Variants in ERBB4 observed in about 807,000 individuals in gnomAD.
ERBB4 encodes the protein erb-b2 receptor tyrosine kinase 4, also known as receptor tyrosine-protein kinase erbB-4.
Under a neutral mutation model 158.0 loss-of-function variants are expected in ERBB4, and 42 were observed. The ratio of observed to expected loss-of-function variants is 0.27; its 90% CI spans 0.21 to 0.34. The LOEUF (loss-of-function observed/expected upper bound fraction) is 0.34, where lower values mean the gene tolerates loss of function less well. ERBB4 is among the 10% of genes least tolerant of loss of function. The pLI is 1.00. For synonymous variants in ERBB4, 583 were observed against 558.7 expected (o/e 1.04, Z -0.61); for missense variants, 1,333 against 1,624.1 (o/e 0.82, Z 3.08).
At chr2:212,119,028 T>A (rs74320008) in intron 2 of ERBB4, among the ~76,000 whole-genome samples, 2,426 of 152,126 alleles carry the variant, frequency 0.016, 35 homozygotes, top group Admixed American at 0.032. Context: ...ATAAAAGACA[T>A]GTATAATGAT....
intron 20 of ERBB4, among the ~76,000 whole-genome samples, chr2:211,520,933 A>T (rs2125637721): frequency 6.6e-6 from 1 of 152,250 alleles, no homozygotes; most frequent in East Asian, 1.9e-4. Flanking sequence ...AAGACAATGA[A>T]CTTAATGGAT....
intron 1 of ERBB4, among the ~76,000 whole-genome samples, chr2:212,529,639 T>TA (rs984543835): frequency 6.6e-6 from 1 of 152,110 alleles, no homozygotes; most frequent in Admixed American, 6.6e-5. Flanking sequence ...TTCATTCATG[T>TA]AAAAAAAATT....
chr2:211,816,593 A>G (rs1001557765), intron 3 of ERBB4, among the ~76,000 whole-genome samples: 6 of 151,902 alleles, frequency 3.9e-5, no homozygotes, highest in Admixed American at 2.6e-4. Flanking sequence ...TTCATGAATA[A>G]GCATTGATAA....
chr2:211,712,771 G>A (rs752636138), intron 8 of ERBB4, among the ~76,000 whole-genome samples: 29 of 80,970 alleles, frequency 3.6e-4, no homozygotes, highest in Admixed American at 1.9e-3. Flanking sequence ...CAATTTTTGT[G>A]TGTGGGTGGG....
At chr2:212,362,559 C>T (rs1224391379) in intron 1 of ERBB4, among the ~76,000 whole-genome samples, 3 of 150,440 alleles carry the variant, frequency 2.0e-5, no homozygotes, top group Non-Finnish European at 4.5e-5. Flanking sequence ...GCCAAATGTG[C>T]TTAGATGCTG....
At chr2:212,079,806 G>A (rs1439599519) in intron 2 of ERBB4, among the ~76,000 whole-genome samples, 1 of 151,984 alleles carries the variant, frequency 6.6e-6, no homozygotes. Context: ...ATGGTGTTCA[G>A]ATTTCCTGTT....
intron 2 of ERBB4, among the ~76,000 whole-genome samples, chr2:212,077,790 A>C (rs944387512): frequency 6.6e-6 from 1 of 152,092 alleles, no homozygotes; most frequent in African/African-American, 2.4e-5. Flanking sequence ...GTTATTTTTA[A>C]AAATGAAAAG....
At chr2:212,066,460 A>G (rs2077950634) in intron 2 of ERBB4, among the ~76,000 whole-genome samples, 1 of 152,180 alleles carries the variant, frequency 6.6e-6, no homozygotes, top group South Asian at 2.1e-4. Flanking sequence ...CTTATCCGAT[A>G]TGATGAATTC....
intron 1 of ERBB4, among the ~76,000 whole-genome samples, chr2:212,538,130 G>T (rs1234273152): frequency 6.6e-6 from 1 of 152,192 alleles, no homozygotes; most frequent in Non-Finnish European, 1.5e-5. Flanking sequence ...GGGGATTTGG[G>T]TCTCCCATGT....
intron 3 of ERBB4, among the ~76,000 whole-genome samples, chr2:211,846,138 A>G (rs2077583638): frequency 6.6e-6 from 1 of 151,730 alleles, no homozygotes; most frequent in African/African-American, 2.4e-5. Flanking sequence ...CCCTCTAGCA[A>G]TTCTAGTTTT....
chr2:211,591,415 T>C (rs1417978857), intron 19 of ERBB4, among the ~76,000 whole-genome samples: 1 of 152,226 alleles, frequency 6.6e-6, no homozygotes, highest in East Asian at 1.9e-4. Flanking sequence ...GACAGGCTTT[T>C]TGAAGCTAGA....
chr2:212,108,706 C>CA (rs1553560350), intron 2 of ERBB4, among the ~76,000 whole-genome samples: 2 of 97,066 alleles, frequency 2.1e-5, no homozygotes, highest in Admixed American at 1.2e-4. Context: ...AATGGGTCTG[C>CA]TTTTTTTTTT....
At chr2:211,708,840 C>T (rs80294246) in intron 9 of ERBB4, among the ~76,000 whole-genome samples, 3,084 of 152,124 alleles carry the variant, frequency 0.02, 91 homozygotes, top group African/African-American at 0.068. Flanking sequence ...TAGTGTTTGA[C>T]GTGAGAGAAA....
At chr2:211,941,192 C>G (rs1377073872) in intron 3 of ERBB4, among the ~76,000 whole-genome samples, 1 of 151,688 alleles carries the variant, frequency 6.6e-6, no homozygotes, top group African/African-American at 2.4e-5. Flanking sequence ...TTAAGCTTCA[C>G]TATAGATTAG....
chr2:212,186,193 C>A (rs1006560437), intron 1 of ERBB4, among the ~76,000 whole-genome samples: 4 of 152,082 alleles, frequency 2.6e-5, no homozygotes, highest in African/African-American at 9.7e-5. Flanking sequence ...GTCATTTAGT[C>A]CATTTCCACT....
At chr2:211,682,797 T>C (rs2072407011) in intron 12 of ERBB4, among the ~76,000 whole-genome samples, 1 of 152,200 alleles carries the variant, frequency 6.6e-6, no homozygotes, top group Non-Finnish European at 1.5e-5. Context: ...GCAGCAATCA[T>C]TGAGGCTTGT....
chr2:211,810,363 T>G (rs183628480), intron 3 of ERBB4, among the ~76,000 whole-genome samples: 3 of 152,322 alleles, frequency 2.0e-5, no homozygotes, highest in African/African-American at 7.2e-5. Context: ...GCTTTATGAA[T>G]CTGGGTAATC....
intron 1 of ERBB4, among the ~76,000 whole-genome samples, chr2:212,164,008 C>T (rs186659734): frequency 6.6e-6 from 1 of 151,728 alleles, no homozygotes; most frequent in African/African-American, 2.4e-5. Context: ...CCTATGTTGC[C>T]CAGGCTGGGT....
chr2:212,389,769 G>A (rs1169393026), intron 1 of ERBB4, among the ~76,000 whole-genome samples: 1 of 151,824 alleles, frequency 6.6e-6, no homozygotes, highest in Non-Finnish European at 1.5e-5. Flanking sequence ...GCTCTCTTTT[G>A]TGTGTATAAT....
Sources: gnomAD v4.1 joint callset for allele counts (sites outside exome capture counted in the v4.1 genomes callset) on GRCh38, gnomAD v4.1.1 for gene constraint, MANE v1.5 for transcripts, NCBI Gene and HGNC (gene_info 2026-07-23, HGNC 2026-07-21) for gene names.